AR: variants seen among roughly 807,000 people sequenced by gnomAD.
AR encodes dihydrotestosterone receptor.
A neutral mutation model predicts 53.9 loss-of-function variants in AR; 8 were observed. That is an observed-to-expected ratio of 0.15 (90% CI 0.09 to 0.27). The LOEUF is 0.27. Ranked by LOEUF, AR falls within the 10% of genes least tolerant of loss-of-function variation. The pLI is 1.00. For synonymous variants in AR, 359 were observed against 316.4 expected (o/e 1.13, Z -1.43); for missense variants, 639 against 742.5 (o/e 0.86, Z 1.62).
At position 67,728,287 on chromosome X, in the gene AR, T is replaced by G. The variant is rs953886039; in HGVS notation, c.*4446T>G. ...TTTTATAAGCAGAACTGGCTTTCCT[T>G]TTCTCTAGTAGTTGCTGAGCAAATT... On this transcript the variant is annotated 3_prime_UTR_variant, in exon 8 of 8. Transcript: ENST00000374690. 2 of 163,129 alleles carry G rather than the reference T, an allele frequency of 1.2e-5. No individual in the cohort carries two copies. The highest frequency in any genetic ancestry group is 3.1e-5 in the African/African-American group (1 of 32,546). The allele number at this position is 163,129 out of a possible 1,213,427, so 13.4% of individuals were successfully genotyped here. A position where few individuals can be genotyped will look rare whatever the true frequency, so the allele number is the denominator to read the frequency against.
At chrX:67,647,713 G>T (rs1602223716) in intron 2 of AR, among the ~76,000 whole-genome samples, 1 of 110,992 alleles carries the variant, frequency 9.0e-6, no homozygotes, top group East Asian at 2.8e-4. Flanking sequence ...TAGATTTAGG[G>T]GTTGGTTAAC....
At chrX:67,596,413 A>T (rs1466949738) in intron 1 of AR, among the ~76,000 whole-genome samples, 5 of 110,900 alleles carry the variant, frequency 4.5e-5, no homozygotes, top group African/African-American at 1.6e-4. Context: ...TTTTCAATTG[A>T]TATTTACTCT....
At position 67,612,042 on chromosome X, in the gene AR, G is replaced by A. The variant is rs11795851; in HGVS notation, c.1617-31214G>A. 7.4e-3 allele frequency among the ~76,000 whole-genome samples: 823 copies of A among 111,944 alleles called. 3 individuals are homozygous for A. Among genetic ancestry groups the A allele is most frequent in the Middle Eastern group, 0.023 (5 of 217 alleles). On this transcript the variant is annotated intron_variant, in intron 1 of 7. Transcript: ENST00000374690. Reference sequence around the variant, plus strand: ...CATGTACAAATCACCTGTGTGTTTTGGATATTTAGTTAAACAAATGTGCAA... The same window carrying A: ...CATGTACAAATCACCTGTGTGTTTTAGATATTTAGTTAAACAAATGTGCAA...
chrX:67,717,957 G>T (rs1341098190), intron 5 of AR, among the ~76,000 whole-genome samples: 1 of 112,356 alleles, frequency 8.9e-6, no homozygotes, highest in Non-Finnish European at 1.9e-5. Flanking sequence ...TGGCTTTAAG[G>T]GCTGGAGTTT....
At chrX:67,627,998 C>A (rs1472249981) in intron 1 of AR, among the ~76,000 whole-genome samples, 1 of 111,537 alleles carries the variant, frequency 9.0e-6, no homozygotes, top group Non-Finnish European at 1.9e-5. Flanking sequence ...TGATCTATAT[C>A]TCTCTTTTGG....
chrX:67,716,980 C>T (rs1211445940), intron 4 of AR, among the ~76,000 whole-genome samples: 2 of 111,762 alleles, frequency 1.8e-5, no homozygotes, highest in Non-Finnish European at 3.8e-5. Flanking sequence ...CTCTCTGACT[C>T]ACTTGTACTG....
At chrX:67,678,144 G>A (rs916019928) in intron 2 of AR, among the ~76,000 whole-genome samples, 13 of 110,538 alleles carry the variant, frequency 1.2e-4, no homozygotes, top group Non-Finnish European at 2.5e-4. Flanking sequence ...GCCCTGGGGT[G>A]GGGGGCTCCT....
rs1182279481 is a variant in AR at position 67,723,852 on chromosome X, AC to A, written c.*14del. ...TTCCACACCCAGTGAAGCATTGGAA[AC>A]CCTATTTCCCCACCCCAGCTCATGC... On this transcript the variant is annotated 3_prime_UTR_variant, in exon 8 of 8. Transcript: ENST00000374690. 7.5e-6 allele frequency: 9 copies of A among 1,207,976 alleles called. No homozygotes were observed. Among genetic ancestry groups the A allele is most frequent in the African/African-American group, 1.7e-5 (1 of 57,192 alleles).
intron 3 of AR, among the ~76,000 whole-genome samples, chrX:67,709,608 C>T (rs898210783): frequency 8.9e-6 from 1 of 112,104 alleles, no homozygotes; most frequent in African/African-American, 3.2e-5. Context: ...GATGCCTCTC[C>T]CTGCTTTGGC....
chrX:67,548,952 G>A (rs1279197420), intron 1 of AR, among the ~76,000 whole-genome samples: 1 of 111,495 alleles, frequency 9.0e-6, no homozygotes, highest in Non-Finnish European at 1.9e-5. Context: ...GACAACTGGT[G>A]TTCCTGTCTT....
intron 2 of AR, among the ~76,000 whole-genome samples, chrX:67,646,845 C>T (rs1476246368): frequency 1.8e-5 from 2 of 110,979 alleles, no homozygotes; most frequent in Non-Finnish European, 3.8e-5. Flanking sequence ...TTTATACCTG[C>T]ATAAGTTTTT....
intron 1 of AR, among the ~76,000 whole-genome samples, chrX:67,633,535 T>C (rs1042523015): frequency 8.9e-6 from 1 of 112,196 alleles, no homozygotes; most frequent in Non-Finnish European, 1.9e-5. Context: ...CTAGTAATTC[T>C]ATTCCAAGGT....
intron 1 of AR, among the ~76,000 whole-genome samples, chrX:67,604,624 G>A (rs1190887452): frequency 1.8e-5 from 2 of 111,333 alleles, no homozygotes; most frequent in Non-Finnish European, 3.8e-5. Context: ...GAAGGGGAGA[G>A]AAGAGTATTT....
intron 1 of AR, among the ~76,000 whole-genome samples, chrX:67,546,966 G>A (rs1929791852): frequency 9.1e-6 from 1 of 110,162 alleles, no homozygotes; most frequent in Non-Finnish European, 1.9e-5. Context: ...CGTGCCCTGG[G>A]TGCTGATTCC....
chrX:67,693,077 C>CT (rs1384534602), intron 3 of AR, among the ~76,000 whole-genome samples: 2 of 112,883 alleles, frequency 1.8e-5, no homozygotes, highest in Non-Finnish European at 3.7e-5. Flanking sequence ...ATGTTGTACT[C>CT]TGTCTCTGAG....
chrX:67,719,318 A>G (rs957882629), intron 5 of AR, among the ~76,000 whole-genome samples: 2 of 112,151 alleles, frequency 1.8e-5, no homozygotes, highest in African/African-American at 6.5e-5. Flanking sequence ...TGCTGCCCTT[A>G]AGCAGTTGAA....
chrX:67,676,758 G>A (rs775535486), intron 2 of AR, among the ~76,000 whole-genome samples: 4 of 111,241 alleles, frequency 3.6e-5, no homozygotes, highest in Non-Finnish European at 7.5e-5. Context: ...TGATATTATC[G>A]GAATGAATTT....
At chrX:67,660,238 T>C (rs1415448096) in intron 2 of AR, among the ~76,000 whole-genome samples, 1 of 112,299 alleles carries the variant, frequency 8.9e-6, no homozygotes, top group African/African-American at 3.2e-5. Context: ...TTTGTCAATT[T>C]TGGCTTTTGT....
At chrX:67,694,801 G>A in intron 3 of AR, 3 of 1,126,602 alleles carry the variant, frequency 2.7e-6, no homozygotes, top group Non-Finnish European at 3.5e-6. Context: ...TGGCGTCTGA[G>A]GCTTAGGAGC....
Sources: gnomAD v4.1 joint callset for allele counts (sites outside exome capture counted in the v4.1 genomes callset) on GRCh38, gnomAD v4.1.1 for gene constraint, MANE v1.5 for transcripts, NCBI Gene and HGNC (gene_info 2026-07-23, HGNC 2026-07-21) for gene names.